The following GSN variants were observed in gnomAD, a reference collection of about 807,000 sequenced individuals.
The protein encoded by GSN is actin-depolymerizing factor.
Under a neutral mutation model 85.7 loss-of-function variants are expected in GSN, and 56 were observed. The ratio of observed to expected loss-of-function variants is 0.65; its 90% CI spans 0.53 to 0.82. GSN has a LOEUF of 0.82. Ranked by LOEUF, GSN falls within the 40% of genes least tolerant of loss-of-function variation. The pLI is 0.00. For missense variants in GSN, 857 were observed against 979.8 expected (o/e 0.87, Z 1.67); for synonymous variants, 373 against 399.1 (o/e 0.93, Z 0.78).
At chr9:121,302,223 C>T (rs1011007019) in intron 3 of GSN, 56 bp downstream of exon 3, 5 of 1,585,114 alleles carry the variant, frequency 3.2e-6, no homozygotes, top group African/African-American at 1.3e-5. Context: ...CAGTGCAGAC[C>T]TTTGGGGCAT....
At chr9:121,280,619 C>G (rs1327177511) in intron 1 of GSN, 1 of 152,176 alleles carries the variant, frequency 6.6e-6, no homozygotes, top group East Asian at 1.9e-4. Flanking sequence ...AGGCAAAAGA[C>G]TTAGAAATTT....
In GSN at chr9:121,302,146, T is replaced by C. The variant is rs779516701; in HGVS notation, c.175T>C (p.Tyr59His). ...GCAGCTGAGGAACGGAAATCTGCAG[T>C]ATGACCTCCACTACTGGCTGGGTGA... Reference protein sequence around the residue: ...TVQLRNGNLQYDLHYWLGNEC... With the variant: ...TVQLRNGNLQHDLHYWLGNEC... Residue 59 changes from tyrosine (Y) to histidine (H), a missense_variant, in exon 3 of 18, where the codon TAT (tyrosine) becomes CAT (histidine). Tyr to His is a moderately conservative substitution (Grantham distance 83). Transcript: ENST00000432226. 6.2e-7 allele frequency: 1 copy of C among 1,614,110 alleles called. No individual in the cohort carries two copies. Among genetic ancestry groups the C allele is most frequent in the South Asian group, 1.1e-5 (1 of 91,088 alleles).
upstream of GSN, among the ~76,000 whole-genome samples, chr9:121,206,385 C>T (rs2053882097): frequency 6.6e-6 from 1 of 151,978 alleles, no homozygotes; most frequent in African/African-American, 2.4e-5. Context: ...ACTCATTCGT[C>T]TCTGGGTATG....
chr9:121,287,702 T>A (rs2043519), intron 2 of GSN, among the ~76,000 whole-genome samples: 5,937 of 151,814 alleles, frequency 0.039, 412 homozygotes, highest in African/African-American at 0.14. Flanking sequence ...CTTTTTTTTT[T>A]AAAAACAGCT....
chr9:121,222,375 T>G (rs1443909773), intron 4 of GSN: 2 of 152,222 alleles, frequency 1.3e-5, no homozygotes, highest in African/African-American at 2.4e-5. Flanking sequence ...TTGTCAAAGA[T>G]TTTATTTTAC....
chr9:121,266,773 G>T (rs555929062), upstream of GSN, among the ~76,000 whole-genome samples: 17 of 152,220 alleles, frequency 1.1e-4, no homozygotes, highest in East Asian at 2.9e-3. Context: ...AATTAAAGTC[G>T]GTAATACGTG....
chr9:121,237,050 A>G (rs1564349460), intron 5 of GSN, among the ~76,000 whole-genome samples: 1 of 152,172 alleles, frequency 6.6e-6, no homozygotes, highest in Non-Finnish European at 1.5e-5. Context: ...TAGTCATGTG[A>G]TTCTTCTGCA....
upstream of GSN, among the ~76,000 whole-genome samples, chr9:121,266,520 T>C (rs1462851310): frequency 6.6e-6 from 1 of 152,202 alleles, no homozygotes; most frequent in East Asian, 1.9e-4. Flanking sequence ...GTGGATACCT[T>C]GCTTGTATTC....
chr9:121,318,573 C>T lies in GSN; in HGVS notation c.975+79C>T. 1 of 1,467,720 alleles carries T rather than the reference C, an allele frequency of 6.8e-7. No individual in the cohort carries two copies. The highest frequency in any genetic ancestry group is 2.3e-5 in the East Asian group (1 of 44,134). The allele number at this position is 1,467,720 out of a possible 1,614,324, so 90.9% of individuals were successfully genotyped here. On this transcript the variant is annotated intron_variant, in intron 9 of 17. Transcript: ENST00000432226. The surrounding 1 kb of genome is among the most constrained non-coding windows in gnomAD (Gnocchi z 4.3). Reference sequence around the variant, plus strand: ...ATGGGCTGGAGTAGGGCGGGTGTCCCACCCTCAGTGTGGATGGGGTATCTG... The same window carrying T: ...ATGGGCTGGAGTAGGGCGGGTGTCCTACCCTCAGTGTGGATGGGGTATCTG...
intron 2 of GSN, chr9:121,282,405 C>A: frequency 9.8e-7 from 1 of 1,023,204 alleles, no homozygotes; most frequent in Non-Finnish European, 1.3e-6. Flanking sequence ...GGAAAACACC[C>A]CTCCAACCCA....
chr9:121,269,422 G>T (rs1015514824), intron 1 of GSN, among the ~76,000 whole-genome samples: 2 of 152,164 alleles, frequency 1.3e-5, no homozygotes, highest in African/African-American at 4.8e-5. Flanking sequence ...ACCCAATTCC[G>T]GTCTGCCGTT....
At chr9:121,314,464 C>T (rs963485716) in intron 7 of GSN, among the ~76,000 whole-genome samples, 2 of 152,182 alleles carry the variant, frequency 1.3e-5, no homozygotes, top group East Asian at 3.8e-4. Flanking sequence ...GTGATTTTCA[C>T]AACTGAATTC....
At chr9:121,296,322 C>T (rs2059214076) in intron 2 of GSN, among the ~76,000 whole-genome samples, 1 of 152,084 alleles carries the variant, frequency 6.6e-6, no homozygotes, top group Non-Finnish European at 1.5e-5. Context: ...GTTTCCCAGG[C>T]TGGGCCCAGA....
chr9:121,301,778 C>G lies in GSN; in HGVS notation c.-9-185C>G, dbSNP rs75699106. ...AGGGCACAGGTTTTGAAGCATAAAA[C>G]TCTTGCCCTGTTTGCTGACTCGTTG... On this transcript the variant is annotated intron_variant, in intron 2 of 17. Transcript: ENST00000432226. 7.0e-3 allele frequency: 5,848 copies of G among 840,978 alleles called. 262 individuals are homozygous for G. The African/African-American group carries it at 0.087, about 12-fold the overall frequency. 52.1% of individuals were successfully genotyped at this position (840,978 alleles called of 1,614,324 possible).
rs1005051802 is a variant in GSN, at chr9:121,281,566, G to T, written c.-10+4G>T. On this transcript the variant is annotated splice_donor_region_variant and intron_variant, in intron 2 of 17. Coordinates refer to ENST00000432226, the MANE Select transcript of GSN (RefSeq NM_198252.3). ...TCACCCTGCACAGCCTTGTTAGGTA[G>T]GTAGAGCAATACAGACACCTGTCGT... The T allele has an allele frequency of 1.3e-5, 6 of 465,576 alleles. No homozygotes were observed. The highest frequency in any genetic ancestry group is 2.0e-5 in the African/African-American group (1 of 50,006). 28.8% of individuals were successfully genotyped at this position (465,576 alleles called of 1,614,324 possible).
intron 6 of GSN, among the ~76,000 whole-genome samples, chr9:121,258,659 A>G (rs1449358080): frequency 6.6e-6 from 1 of 151,704 alleles, no homozygotes; most frequent in Admixed American, 6.6e-5. Flanking sequence ...TTAAAAGGCT[A>G]CTCCAGTTAT....
intron 2 of GSN, 48 bp from the exon 3 acceptor site, chr9:121,301,915 C>T (rs774010467): frequency 3.7e-6 from 6 of 1,613,156 alleles, no homozygotes; most frequent in East Asian, 4.5e-5. Context: ...TGGGGTCTCT[C>T]CCTGCCAGGA....
rs556331496 is a variant in GSN at position 121,327,526 on chromosome 9, A to T, written c.1762+44A>T. ...GGCCTGCTGCTGTCCGGATGCAGCT[A>T]TTAAGTTTCCCCCTTCTTTCCTTCA... On this transcript the variant is annotated intron_variant, in intron 14 of 17. Coordinates refer to ENST00000432226, the MANE Select transcript of GSN (RefSeq NM_198252.3). 9.5e-6 allele frequency: 14 copies of T among 1,480,380 alleles called. No homozygotes were observed. In the Admixed American group the frequency reaches 2.5e-4, roughly 27 times the overall value. 91.7% of individuals were successfully genotyped at this position (1,480,380 alleles called of 1,614,324 possible). A position where few individuals can be genotyped will look rare whatever the true frequency, so the allele number is the denominator to read the frequency against.
intron 4 of GSN, among the ~76,000 whole-genome samples, chr9:121,218,109 T>G (rs2054101519): frequency 6.6e-6 from 1 of 152,194 alleles, no homozygotes; most frequent in Admixed American, 6.5e-5. Flanking sequence ...GAACATTTGT[T>G]GAGCTCTTAA....
Sources: gnomAD v4.1 joint callset for allele counts (sites outside exome capture counted in the v4.1 genomes callset) on GRCh38, gnomAD v4.1.1 for gene constraint, Gnocchi (gnomAD v3.1) non-coding constraint, MANE v1.5 for transcripts, NCBI Gene and HGNC (gene_info 2026-07-23, HGNC 2026-07-21) for gene names.